Variants in GLDN observed in about 807,000 individuals in gnomAD.
The protein encoded by GLDN is gliomedin.
Under a neutral mutation model 56.5 loss-of-function variants are expected in GLDN, and 47 were observed. The ratio of observed to expected loss-of-function variants is 0.83; its 90% CI spans 0.66 to 1.06. The LOEUF is 1.06. Among genes scored for constraint, GLDN ranks in the 50% least tolerant of loss-of-function variants. GLDN has a pLI of 0.00. For missense variants in GLDN, 782 were observed against 714.3 expected (o/e 1.09, Z -1.08); for synonymous variants, 332 against 278.8 (o/e 1.19, Z -1.90).
At chr15:51,372,387 C>T (rs1371639261) in intron 1 of GLDN, among the ~76,000 whole-genome samples, 2 of 152,300 alleles carry the variant, frequency 1.3e-5, no homozygotes, top group South Asian at 2.1e-4. Context: ...TGTCCCTGTC[C>T]GTTGCTGCAT....
chr15:51,344,017 T>C (rs1253581472), intron 1 of GLDN, among the ~76,000 whole-genome samples: 1 of 152,202 alleles, frequency 6.6e-6, no homozygotes, highest in Non-Finnish European at 1.5e-5. Context: ...CACAGGAATA[T>C]CTTGGGGATC....
chr15:51,371,556 A>G (rs945698906), intron 1 of GLDN, among the ~76,000 whole-genome samples: 1 of 152,208 alleles, frequency 6.6e-6, no homozygotes, highest in African/African-American at 2.4e-5. Flanking sequence ...CTTTTCAGAG[A>G]AAAAAACTGG....
chr15:51,379,466 G>A (rs1374500979), intron 2 of GLDN, among the ~76,000 whole-genome samples: 1 of 152,228 alleles, frequency 6.6e-6, no homozygotes, highest in African/African-American at 2.4e-5. Flanking sequence ...TATGATACGT[G>A]TCTCTAGTCT....
At chr15:51,386,148 C>T (rs1484692976) in intron 4 of GLDN, among the ~76,000 whole-genome samples, 2 of 152,130 alleles carry the variant, frequency 1.3e-5, no homozygotes, top group African/African-American at 4.8e-5. Flanking sequence ...CCCTTCTCTA[C>T]AGCAATCTCC....
intron 1 of GLDN, among the ~76,000 whole-genome samples, chr15:51,368,062 G>A (rs775778406): frequency 1.3e-5 from 2 of 152,166 alleles, no homozygotes; most frequent in African/African-American, 2.4e-5. Flanking sequence ...ATCCCCATGA[G>A]AGATTTTCAG....
rs774896034 is a variant in GLDN, at chr15:51,397,507, GC to G, written c.731del (p.Pro244GlnfsTer60). On this transcript the variant is annotated frameshift_variant, in exon 6 of 10. Transcript: ENST00000335449. LOFTEE classifies it high-confidence loss of function. ...ACCAAGGCCCACCCGGTCCACCTGG[GC>G]CCCCAGGCCCTCCAGGTCCTCCAGG... Reference protein sequence around the residue: ...GDQGPPGPPGPPGPPGPPGPP... With the variant: ...GDQGPPGPPGXPGPPGPPGPP... 4 of 1,579,862 alleles carry G rather than the reference GC, an allele frequency of 2.5e-6. No individual in the cohort carries two copies. Among genetic ancestry groups the G allele is most frequent in the East Asian group, 2.4e-5 (1 of 42,198 alleles).
At chr15:51,403,686 C>T (rs987460487) in intron 9 of GLDN, among the ~76,000 whole-genome samples, 4 of 152,138 alleles carry the variant, frequency 2.6e-5, no homozygotes, top group Non-Finnish European at 5.9e-5. Flanking sequence ...TGCAACAGCC[C>T]TTCTCACCTG....
At chr15:51,410,932 A>C (rs1020471483), downstream of GLDN, among the ~76,000 whole-genome samples, 1 of 152,184 alleles carries the variant, frequency 6.6e-6, no homozygotes, top group African/African-American at 2.4e-5. Context: ...TGAGGACCCC[A>C]GGTTGGTAAT....
chr15:51,412,538 G>T (rs569314504), downstream of GLDN, among the ~76,000 whole-genome samples: 12 of 152,206 alleles, frequency 7.9e-5, no homozygotes, highest in African/African-American at 2.9e-4. Flanking sequence ...TTGTGCTCTG[G>T]AATATACTTT....
chr15:51,397,035 A>C (rs1333636416), intron 5 of GLDN, among the ~76,000 whole-genome samples: 3 of 152,226 alleles, frequency 2.0e-5, no homozygotes, highest in Non-Finnish European at 2.9e-5. Flanking sequence ...CAAACCCTTC[A>C]GAAAAGCACC....
At chr15:51,347,053 G>A (rs1267019468) in intron 1 of GLDN, among the ~76,000 whole-genome samples, 1 of 151,930 alleles carries the variant, frequency 6.6e-6, no homozygotes, top group African/African-American at 2.4e-5. Flanking sequence ...CGACAGAGGA[G>A]GACTCCATCT....
intron 1 of GLDN, among the ~76,000 whole-genome samples, chr15:51,373,534 A>G (rs184024884): frequency 1.2e-4 from 19 of 152,344 alleles, no homozygotes; most frequent in Admixed American, 4.6e-4. Context: ...CAAAGACAAA[A>G]GGCCAGATGA....
chr15:51,401,569 C>T (rs561453126), intron 8 of GLDN, 24 bp from the exon 9 acceptor site: 1 of 1,602,756 alleles, frequency 6.2e-7, no homozygotes, highest in East Asian at 2.2e-5. Context: ...AGGTAACAGC[C>T]TCTCCCTGGC....
chr15:51,370,134 A>C (rs2037485983), intron 1 of GLDN, among the ~76,000 whole-genome samples: 1 of 152,182 alleles, frequency 6.6e-6, no homozygotes, highest in Non-Finnish European at 1.5e-5. Context: ...AATAAAAAAG[A>C]AAGTAGATGA....
chr15:51,341,779 C>T lies in GLDN; in HGVS notation c.95C>T (p.Ala32Val), dbSNP rs779432560. 3.3e-6 allele frequency: 5 copies of T among 1,498,146 alleles called. No individual in the cohort carries two copies. Among genetic ancestry groups the T allele is most frequent in the African/African-American group, 2.9e-5 (2 of 68,676 alleles). The allele number at this position is 1,498,146 out of a possible 1,614,324, so 92.8% of individuals were successfully genotyped here. Residue 32 changes from alanine (A) to valine (V), a missense_variant, in exon 1 of 10, where the codon GCG becomes GTG. Ala to Val is a moderately conservative substitution (Grantham distance 64). Transcript: ENST00000335449. Reference protein sequence around the residue: ...AVALLSALNAAGTVFALCQWR... With the variant: ...AVALLSALNAVGTVFALCQWR... ...GCGCTGCTCTCGGCGCTCAACGCTG[C>T]GGGCACGGTGTTCGCGCTGTGCCAG...
At chr15:51,358,405 C>T (rs1415716075) in intron 1 of GLDN, among the ~76,000 whole-genome samples, 2 of 152,208 alleles carry the variant, frequency 1.3e-5, no homozygotes, top group Non-Finnish European at 2.9e-5. Flanking sequence ...TTAAAATACA[C>T]CCCGAACCTA....
rs539703340 is a variant in GLDN, at chr15:51,404,338, C to A, written c.1240C>A (p.Arg414=). ...GCTTGAAAATGCCTTGTATTTTGAT[C>A]GAAAATACCTTTTTGCAAATTCCAA... ...LKLENALYFD[R]KYLFANSKTY... is the part of the protein sequence containing the mutation. The change falls in exon 10 of 10, where the codon CGA becomes AGA. Residue 414 remains arginine (R), a synonymous_variant. Transcript: ENST00000335449. 2 of 1,612,468 alleles carry A rather than the reference C, an allele frequency of 1.2e-6. No homozygotes were observed. Among genetic ancestry groups the A allele is most frequent in the South Asian group, 2.2e-5 (2 of 90,498 alleles).
chr15:51,361,977 A>G (rs80339614), intron 1 of GLDN, among the ~76,000 whole-genome samples: 1 of 152,142 alleles, frequency 6.6e-6, no homozygotes, highest in East Asian at 1.9e-4. Context: ...AGGGAGGGGT[A>G]ATAGGAAGCT....
In GLDN at chr15:51,372,538, G is replaced by A. The variant is rs555684954; in HGVS notation, c.364-4911G>A. ...CTACTGCTTATTATTTTGCACTCAGGTTGACAGCCCATCGTTCCCACTAAG... is the reference window on the plus strand; with the variant it reads ...CTACTGCTTATTATTTTGCACTCAGATTGACAGCCCATCGTTCCCACTAAG... On this transcript the variant is annotated intron_variant, in intron 1 of 9. Transcript: ENST00000335449. Among the ~76,000 whole-genome samples the A allele has an allele frequency of 7.9e-5, 12 of 152,268 alleles. No individual in the cohort carries two copies. In the East Asian group the frequency reaches 2.1e-3, roughly 27 times the overall value.
Sources: gnomAD v4.1 joint callset for allele counts (sites outside exome capture counted in the v4.1 genomes callset) on GRCh38, gnomAD v4.1.1 for gene constraint, MANE v1.5 for transcripts, NCBI Gene and HGNC (gene_info 2026-07-23, HGNC 2026-07-21) for gene names.